The following TAFA2 variants were observed in gnomAD, a reference collection of about 807,000 sequenced individuals.
TAFA2 encodes the protein TAFA chemokine like family member 2, also known as chemokine-like protein TAFA-2.
In TAFA2, 7 loss-of-function variants were observed where a neutral mutation model predicts 18.8. The observed-to-expected ratio is 0.37, with a 90% confidence interval of 0.21 to 0.70. The LOEUF is 0.70. TAFA2 is among the 30% of genes least tolerant of loss of function. The pLI is 0.53. For missense variants in TAFA2, 122 were observed against 158.1 expected (o/e 0.77, Z 1.23); for synonymous variants, 60 against 54.2 (o/e 1.11, Z -0.47).
At position 62,191,750 on chromosome 12, in the gene TAFA2, C is replaced by T. The variant is rs1044782176; in HGVS notation, c.-493G>A. ...TCTTGCTGCAATTACCGCTCTTATT[C>T]CATCTCTGATTTGTTTGCTTTTAAG... On this transcript the variant is annotated 5_prime_UTR_variant, in exon 1 of 5. Coordinates refer to ENST00000416284, the MANE Select transcript of TAFA2 (RefSeq NM_178539.5). The T allele has an allele frequency of 3.9e-5, 6 of 152,464 alleles. No homozygotes were observed. In the South Asian group the frequency reaches 1.2e-3, roughly 32 times the overall value. The allele number at this position is 152,464 out of a possible 1,614,324, so 9.4% of individuals were successfully genotyped here.
intron 4 of TAFA2, among the ~76,000 whole-genome samples, chr12:61,718,195 C>T (rs372455400): frequency 9.9e-5 from 15 of 152,110 alleles, no homozygotes; most frequent in East Asian, 3.9e-4. Context: ...GATGGACCTG[C>T]GCTGTTTCTT....
At chr12:61,932,571 C>A (rs1592496392) in intron 1 of TAFA2, among the ~76,000 whole-genome samples, 1 of 152,162 alleles carries the variant, frequency 6.6e-6, no homozygotes, top group Admixed American at 6.5e-5. Flanking sequence ...TCCCAAGTAG[C>A]TGGGATTACA....
In TAFA2 at chr12:61,902,091, T is replaced by TAAAAAAAAAAAA. The variant is rs750989820; in HGVS notation, c.-1-34677_-1-34666dup. 1.4e-3 allele frequency among the ~76,000 whole-genome samples: 163 copies of TAAAAAAAAAAAA among 116,416 alleles called. 1 individual carries two copies. The highest frequency in any genetic ancestry group is 5.6e-3 in the African/African-American group (156 of 27,892). The allele number at this position is 116,416 out of a possible 152,430, so 76.4% of individuals were successfully genotyped here. ...TGATGTAATCATGGTGCAGGAATGT[T>TAAAAAAAAAAAA]AAAAAAAAAAAAAAAAAAAAAACCT... On this transcript the variant is annotated intron_variant, in intron 1 of 4. Transcript: ENST00000416284.
At chr12:62,051,881 G>A (rs1185051768) in intron 1 of TAFA2, among the ~76,000 whole-genome samples, 2 of 152,022 alleles carry the variant, frequency 1.3e-5, no homozygotes, top group African/African-American at 2.4e-5. Context: ...TCTAAAATGG[G>A]CCAGATAGTA....
At chr12:61,863,943 T>G (rs1565660704) in intron 2 of TAFA2, among the ~76,000 whole-genome samples, 1 of 152,152 alleles carries the variant, frequency 6.6e-6, no homozygotes, top group Non-Finnish European at 1.5e-5. Context: ...GAGCAATTCA[T>G]GCCTCGGAGA....
intron 2 of TAFA2, among the ~76,000 whole-genome samples, chr12:61,795,497 A>G (rs1355075212): frequency 6.6e-6 from 1 of 151,850 alleles, no homozygotes; most frequent in Non-Finnish European, 1.5e-5. Flanking sequence ...ACCAAACACC[A>G]CATGTTCTCA....
chr12:62,205,646 C>T (rs2062688699), intron 1 of TAFA2, among the ~76,000 whole-genome samples: 1 of 152,166 alleles, frequency 6.6e-6, no homozygotes, highest in Non-Finnish European at 1.5e-5. Flanking sequence ...GTGGGGAATT[C>T]CTCCTGGGTC....
chr12:61,900,590 CA>C, intron 1 of TAFA2, among the ~76,000 whole-genome samples: 1 of 152,206 alleles, frequency 6.6e-6, no homozygotes, highest in East Asian at 1.9e-4. Flanking sequence ...AAGTGCTGAG[CA>C]AAGGGGGAAA....
At chr12:61,982,302 T>G (rs1193758186) in intron 1 of TAFA2, among the ~76,000 whole-genome samples, 1 of 151,950 alleles carries the variant, frequency 6.6e-6, no homozygotes, top group African/African-American at 2.4e-5. Flanking sequence ...GGTGGGGGTC[T>G]GGGGGAGAGA....
Position 61,776,063 on chromosome 12 carries a change from G to A in TAFA2, c.107-21039C>T. On this transcript the variant is annotated intron_variant, in intron 2 of 4. Transcript: ENST00000416284. The stretch of plus-strand genomic sequence containing the variant: ...TTGTAGACATAAGGGAATGGGTACT[G>A]TAAAAAGAAATGCCCCACTAATGCT... 5 of 430,648 alleles carry A rather than the reference G, an allele frequency of 1.2e-5. 1 individual carries two copies. Among genetic ancestry groups the A allele is most frequent in the South Asian group, 9.8e-5 (5 of 50,878 alleles). 26.7% of individuals were successfully genotyped at this position (430,648 alleles called of 1,614,324 possible).
intron 1 of TAFA2, among the ~76,000 whole-genome samples, chr12:61,980,778 C>A (rs1458332760): frequency 6.6e-6 from 1 of 152,128 alleles, no homozygotes. Flanking sequence ...TCAAGGAGAA[C>A]TACAAACCAC....
At chr12:61,726,073 C>T (rs570191252) in intron 4 of TAFA2, among the ~76,000 whole-genome samples, 1 of 150,656 alleles carries the variant, frequency 6.6e-6, no homozygotes, top group Admixed American at 6.6e-5. Flanking sequence ...ACATCATTTA[C>T]ACATTTCTAA....
chr12:61,837,884 G>A (rs555998968), intron 2 of TAFA2, among the ~76,000 whole-genome samples: 10 of 152,134 alleles, frequency 6.6e-5, no homozygotes, highest in African/African-American at 1.7e-4. Flanking sequence ...TTATATTAGA[G>A]CTGAGCACTG....
intron 2 of TAFA2, among the ~76,000 whole-genome samples, chr12:61,764,832 T>A (rs1393929195): frequency 1.3e-5 from 2 of 152,124 alleles, no homozygotes; most frequent in African/African-American, 2.4e-5. Flanking sequence ...ATATTTCTTA[T>A]CTGTATGAAG....
At chr12:61,723,022 A>G (rs1869977979) in intron 4 of TAFA2, among the ~76,000 whole-genome samples, 1 of 152,092 alleles carries the variant, frequency 6.6e-6, no homozygotes, top group South Asian at 2.1e-4. Context: ...TCTCCACAAA[A>G]CATGCATGCA....
At chr12:61,731,146 T>TAAAGC (rs1174898116) in intron 4 of TAFA2, among the ~76,000 whole-genome samples, 2 of 152,090 alleles carry the variant, frequency 1.3e-5, no homozygotes, top group Non-Finnish European at 2.9e-5. Flanking sequence ...TCTTGCTCTG[T>TAAAGC]TCTCTAAATT....
At chr12:61,862,071 A>G (rs67880722) in intron 2 of TAFA2, among the ~76,000 whole-genome samples, 42,710 of 151,950 alleles carry the variant, frequency 0.28, 6,514 homozygotes, top group South Asian at 0.39. Context: ...ATTCTCCAGA[A>G]ATCTAGTTTG....
At chr12:62,171,349 C>T (rs747037895) in intron 1 of TAFA2, among the ~76,000 whole-genome samples, 19 of 152,106 alleles carry the variant, frequency 1.2e-4, no homozygotes, top group Admixed American at 7.2e-4. Context: ...AACTTAGGTC[C>T]TGTATGTTGA....
intron 1 of TAFA2, among the ~76,000 whole-genome samples, chr12:62,026,829 C>T (rs1321065270): frequency 6.6e-6 from 1 of 152,060 alleles, no homozygotes; most frequent in Non-Finnish European, 1.5e-5. Context: ...TGCATTTAAA[C>T]GCTTGACCAT....
Sources: allele counts gnomAD v4.1 joint callset (sites outside exome capture counted in the v4.1 genomes callset), GRCh38; gene constraint gnomAD v4.1.1; transcripts MANE v1.5; gene names NCBI Gene and HGNC (gene_info 2026-07-23, HGNC 2026-07-21).